Variants in ICAM1 observed in about 807,000 individuals in gnomAD.
ICAM1 encodes the protein intercellular adhesion molecule 1.
A neutral mutation model predicts 42.3 loss-of-function variants in ICAM1; 28 were observed. The observed-to-expected ratio is 0.66, with a 90% CI of 0.49 to 0.91. The LOEUF (loss-of-function observed/expected upper bound fraction) is 0.91. Ranked by LOEUF, ICAM1 falls within the 40% of genes least tolerant of loss-of-function variation. The pLI is 0.00. For synonymous variants in ICAM1, 304 were observed against 305.9 expected (o/e 0.99, Z 0.07); for missense variants, 637 against 688.6 (o/e 0.93, Z 0.84).
chr19:10,284,648 C>T lies in ICAM1; in HGVS notation c.1171C>T (p.Arg391Cys), dbSNP rs144226309. The T allele has an allele frequency of 1.1e-4, 175 of 1,614,068 alleles. 1 individual carries two copies. Among genetic ancestry groups the T allele is most frequent in the South Asian group, 1.9e-4 (17 of 91,082 alleles). The change falls in exon 5 of 7, where the codon CGT (arginine) becomes TGT (cysteine). Residue 391 changes from arginine (R) to cysteine (C), a missense_variant. Transcript: ENST00000264832. The surrounding 1 kb of genome is among the most constrained non-coding windows in gnomAD (Gnocchi z 5.4). The stretch of plus-strand genomic sequence containing the variant: ...ACACAAGAACCAGACCCGGGAGCTT[C>T]GTGTCCTGTGTGAGTGGGGCTGCTG... Reference protein sequence around the residue: ...LIHKNQTRELRVLYGPRLDER... With the variant: ...LIHKNQTRELCVLYGPRLDER...
chr19:10,277,056 C>T (rs559422381), intron 2 of ICAM1, among the ~76,000 whole-genome samples: 2 of 151,750 alleles, frequency 1.3e-5, no homozygotes, highest in Non-Finnish European at 2.9e-5. Context: ...AGGGCAGTTT[C>T]GGGGAGGCTG....
chr19:10,282,538 C>T (rs1339531253), intron 2 of ICAM1, among the ~76,000 whole-genome samples: 3 of 152,006 alleles, frequency 2.0e-5, no homozygotes, highest in African/African-American at 4.8e-5. Flanking sequence ...TGAGCCACCG[C>T]GCCCTGCCAA....
intron 2 of ICAM1, among the ~76,000 whole-genome samples, chr19:10,281,464 C>A (rs2040058473): frequency 6.6e-6 from 1 of 151,990 alleles, no homozygotes; most frequent in Admixed American, 6.6e-5. Context: ...TAAGATTCAT[C>A]CCTTTTAAGC....
intron 2 of ICAM1, among the ~76,000 whole-genome samples, chr19:10,277,688 A>T (rs531384705): frequency 6.7e-6 from 1 of 150,184 alleles, no homozygotes; most frequent in Non-Finnish European, 1.5e-5. Flanking sequence ...GGATTTCATC[A>T]TGTTGGCCAG....
chr19:10,280,529 C>T (rs1235365554), intron 2 of ICAM1, among the ~76,000 whole-genome samples: 2 of 151,384 alleles, frequency 1.3e-5, no homozygotes, highest in Non-Finnish European at 2.9e-5. Flanking sequence ...AGGTGTGAGC[C>T]AGCAGGAAGC....
chr19:10,271,961 G>A (rs5030391), intron 1 of ICAM1, among the ~76,000 whole-genome samples: 1,610 of 152,168 alleles, frequency 0.011, 9 homozygotes, highest in Non-Finnish European at 0.017. Context: ...AGGAGGGTGG[G>A]AGATTGACAG....
At chr19:10,273,268 G>A (rs912411032) in intron 1 of ICAM1, among the ~76,000 whole-genome samples, 14 of 151,998 alleles carry the variant, frequency 9.2e-5, no homozygotes, top group African/African-American at 3.4e-4. Context: ...TGAGGCGGGC[G>A]GATTACCTGA....
At chr19:10,278,276 A>G (rs1200466209) in intron 2 of ICAM1, among the ~76,000 whole-genome samples, 1 of 152,186 alleles carries the variant, frequency 6.6e-6, no homozygotes, top group African/African-American at 2.4e-5. Flanking sequence ...AGCTTGGGAC[A>G]TGACTTCTGC....
At chr19:10,283,984 G>A in intron 3 of ICAM1, 49 bp from the exon 4 acceptor site, 1 of 1,574,738 alleles carries the variant, frequency 6.4e-7, no homozygotes, top group East Asian at 2.2e-5. Context: ...CCAGAGAAGG[G>A]CTTCGGGACG....
intron 1 of ICAM1, among the ~76,000 whole-genome samples, chr19:10,272,719 T>C (rs906176051): frequency 7.9e-5 from 12 of 151,842 alleles, no homozygotes; most frequent in East Asian, 3.9e-4. Context: ...GCATGTGCCA[T>C]CACACCCGGC....
At position 10,284,807 on chromosome 19, in the gene ICAM1, A is replaced by G. The variant is rs147967899; in HGVS notation, c.1205A>G (p.Asp402Gly). The G allele has an allele frequency of 6.2e-6, 10 of 1,603,418 alleles. No individual in the cohort carries two copies. The highest frequency in any genetic ancestry group is 8.5e-6 in the Non-Finnish European group (10 of 1,177,262). ...VLYGPRLDER[D>G]CPGNWTWPEN... ...GATGGCCCCCGACTGGACGAGAGGG[A>G]TTGTCCGGGAAACTGGACGTGGCCA... The change falls in exon 6 of 7, where the codon GAT becomes GGT. Residue 402 changes from aspartate (D) to glycine (G), a missense_variant. Coordinates refer to ENST00000264832, the MANE Select transcript of ICAM1 (RefSeq NM_000201.3). The surrounding 1 kb of genome is among the most constrained non-coding windows in gnomAD (Gnocchi z 5.4).
At chr19:10,281,090 G>C (rs1329755847) in intron 2 of ICAM1, among the ~76,000 whole-genome samples, 3 of 149,952 alleles carry the variant, frequency 2.0e-5, no homozygotes, top group Non-Finnish European at 3.0e-5. Flanking sequence ...AGCCAGGATG[G>C]TCTTGATCTC....
Position 10,284,845 on chromosome 19 carries a change from C to G in ICAM1, c.1243C>G (p.Gln415Glu). The change falls in exon 6 of 7, where the codon CAG (glutamine) becomes GAG (glutamate). Residue 415 changes from glutamine to glutamate, a missense_variant. Coordinates refer to ENST00000264832, the MANE Select transcript of ICAM1 (RefSeq NM_000201.3). This position sits in a 1 kb window ranked among gnomAD's most constrained non-coding sequence, Gnocchi z 5.4. Reference sequence around the variant, plus strand: ...CTGGACGTGGCCAGAAAATTCCCAGCAGACTCCAATGTGCCAGGCTTGGGG... The same window carrying G: ...CTGGACGTGGCCAGAAAATTCCCAGGAGACTCCAATGTGCCAGGCTTGGGG... The part of the protein sequence containing the change: ...GNWTWPENSQ[Q>E]TPMCQAWGNP... 6.3e-7 allele frequency: 1 copy of G among 1,594,796 alleles called. No homozygotes were observed. Among genetic ancestry groups the G allele is most frequent in the Non-Finnish European group, 8.5e-7 (1 of 1,174,744 alleles).
chr19:10,283,889 A>T lies in ICAM1; in HGVS notation c.637+103A>T, dbSNP rs969223545. On this transcript the variant is annotated intron_variant, in intron 3 of 6. Coordinates refer to ENST00000264832, the MANE Select transcript of ICAM1 (RefSeq NM_000201.3). ...TTTGAGATGGGTGTGGCCCCGGCTA[A>T]GGGGTGCATGTGTTCTAGGCGTATG... 4.2e-6 allele frequency: 6 copies of T among 1,440,312 alleles called. No homozygotes were observed. The African/African-American group carries it at 5.6e-5, about 14-fold the overall frequency. 89.2% of individuals were successfully genotyped at this position (1,440,312 alleles called of 1,614,324 possible). A position where few individuals can be genotyped will look rare whatever the true frequency, so the allele number is the denominator to read the frequency against.
Position 10,284,000 on chromosome 19 carries a change from CCCTGTCTGCTCACA to C in ICAM1, c.638-29_638-16del. Reference sequence around the variant, plus strand: ...CAGAGAAGGGCTTCGGGACGTCCATCCCTGTCTGCTCACACCTTTCTTCTCTCCCTAGTCCTGCC... The same window carrying C: ...CAGAGAAGGGCTTCGGGACGTCCATCCCTTTCTTCTCTCCCTAGTCCTGCC... On this transcript the variant is annotated intron_variant, in intron 3 of 6. Coordinates refer to ENST00000264832, the MANE Select transcript of ICAM1 (RefSeq NM_000201.3). The C allele has an allele frequency of 6.3e-7, 1 of 1,596,700 alleles. No individual in the cohort carries two copies. The highest frequency in any genetic ancestry group is 1.1e-5 in the South Asian group (1 of 89,524).
intron 2 of ICAM1, among the ~76,000 whole-genome samples, chr19:10,277,430 C>T (rs1452150090): frequency 6.6e-6 from 1 of 152,098 alleles, no homozygotes; most frequent in Non-Finnish European, 1.5e-5. Flanking sequence ...CCGCCCGCCT[C>T]GGCCTCCCAA....
At chr19:10,275,751 A>G (rs1276984550) in intron 2 of ICAM1, among the ~76,000 whole-genome samples, 4 of 128,098 alleles carry the variant, frequency 3.1e-5, no homozygotes, top group Admixed American at 2.8e-4. Context: ...TCTGTCGCCC[A>G]GGCTGGAGTG....
chr19:10,275,437 AGT>A (rs2040009381), intron 2 of ICAM1, among the ~76,000 whole-genome samples: 1 of 152,132 alleles, frequency 6.6e-6, no homozygotes, highest in Admixed American at 6.6e-5. Flanking sequence ...CAGAGATTGC[AGT>A]GAGCCGCGAT....
chr19:10,282,752 C>T (rs1269568535), intron 2 of ICAM1, among the ~76,000 whole-genome samples: 1 of 151,766 alleles, frequency 6.6e-6, no homozygotes, highest in South Asian at 2.1e-4. Context: ...TTTACTTTCA[C>T]CTGTAATCCC....
Sources: gnomAD v4.1 joint callset for allele counts (sites outside exome capture counted in the v4.1 genomes callset) on GRCh38, gnomAD v4.1.1 for gene constraint, Gnocchi (gnomAD v3.1) non-coding constraint, MANE v1.5 for transcripts, NCBI Gene and HGNC (gene_info 2026-07-23, HGNC 2026-07-21) for gene names.